Variants in IQSEC2 observed in about 807,000 individuals in gnomAD.
The protein encoded by IQSEC2 is IQ motif and SEC7 domain-containing protein 2.
Under a neutral mutation model 74.6 loss-of-function variants are expected in IQSEC2, and 6 were observed. That is an observed-to-expected ratio of 0.08 (90% CI 0.04 to 0.16). The LOEUF is 0.16. Ranked by LOEUF, IQSEC2 falls within the 10% of genes least tolerant of loss-of-function variation. IQSEC2 has a pLI of 1.00. For missense variants in IQSEC2, 734 were observed against 1,306.2 expected (o/e 0.56, Z 6.75); for synonymous variants, 494 against 544.5 (o/e 0.91, Z 1.29).
Position 53,287,060 on chromosome X carries a change from G to A in IQSEC2, c.737+4835C>T, listed in dbSNP as rs2075040661. Among the ~76,000 whole-genome samples, 3 of 111,092 alleles carry A rather than the reference G, an allele frequency of 2.7e-5. 1 individual carries two copies. Among genetic ancestry groups the A allele is most frequent in the Middle Eastern group, 9.3e-3 (2 of 214 alleles). ...CATGGGCCCAGGAGATGCAGACAGC[G>A]AGACAGCAACCTTGGTCCTCGACTT... is the stretch of plus-strand genomic sequence containing the variant. On this transcript the variant is annotated intron_variant, in intron 2 of 14. Transcript: ENST00000642864.
chrX:53,244,005 G>A (rs2074263982), intron 8 of IQSEC2, among the ~76,000 whole-genome samples: 1 of 108,586 alleles, frequency 9.2e-6, no homozygotes, highest in Non-Finnish European at 1.9e-5. Flanking sequence ...GGATCACGAG[G>A]TCAGGAGATC....
chrX:53,249,834 T>C (rs1017772198), intron 5 of IQSEC2, among the ~76,000 whole-genome samples: 1 of 111,515 alleles, frequency 9.0e-6, no homozygotes, highest in Non-Finnish European at 1.9e-5. Flanking sequence ...TACATACACA[T>C]TCTGCTAGTG....
At chrX:53,291,752 A>C in intron 2 of IQSEC2, 143 bp downstream of exon 2, 8 of 453,771 alleles carry the variant, frequency 1.8e-5, no homozygotes, top group South Asian at 1.4e-4. Flanking sequence ...ACCCCACTCC[A>C]TAGCCACCCC....
In IQSEC2 at chrX:53,308,445, C is replaced by T. The variant is rs887948614; in HGVS notation, c.707+11972G>A. 6.2e-4 allele frequency among the ~76,000 whole-genome samples: 69 copies of T among 111,227 alleles called. 1 individual carries two copies. Among genetic ancestry groups the T allele is most frequent in the African/African-American group, 2.3e-3 (69 of 30,601 alleles). On this transcript the variant is annotated intron_variant, in intron 1 of 14. Coordinates refer to ENST00000642864, the MANE Select transcript of IQSEC2 (RefSeq NM_001111125.3). ...AGTAATGAGGTATAATTACAGTACA[C>T]TATTTGGCCCTGCGATGACTAATAG...
At chrX:53,243,958 G>C (rs1278068766) in intron 8 of IQSEC2, among the ~76,000 whole-genome samples, 1 of 111,723 alleles carries the variant, frequency 9.0e-6, no homozygotes, top group Non-Finnish European at 1.9e-5. Context: ...GGTGGCTCAC[G>C]CCTGTACTCC....
chrX:53,235,875 C>G (rs1478707821), intron 13 of IQSEC2, 43 bp from the exon 14 acceptor site: 17 of 1,130,523 alleles, frequency 1.5e-5, no homozygotes, highest in African/African-American at 5.4e-5. Context: ...GCAGCAACCC[C>G]CCCCCTACCC....
At chrX:53,310,279 G>A in intron 1 of IQSEC2, among the ~76,000 whole-genome samples, 1 of 110,577 alleles carries the variant, frequency 9.0e-6, no homozygotes, top group Non-Finnish European at 1.9e-5. Flanking sequence ...AGCAACTTGG[G>A]AGGCTGAGGT....
In IQSEC2 at chrX:53,242,132, C is replaced by G. The variant is rs190873777; in HGVS notation, c.2890-223G>C. Among the ~76,000 whole-genome samples the G allele has an allele frequency of 2.6e-4, 29 of 111,641 alleles. No individual in the cohort carries two copies. In the East Asian group the frequency reaches 8.2e-3, roughly 32 times the overall value. On this transcript the variant is annotated intron_variant, in intron 9 of 14. Transcript: ENST00000642864. ...AGCTCTGCATGGTCATATTTCAACTCCCTTTCAAATTTCCATCCCGGCCGG... is the reference window on the plus strand; with the variant it reads ...AGCTCTGCATGGTCATATTTCAACTGCCTTTCAAATTTCCATCCCGGCCGG...
At chrX:53,317,391 G>T (rs182762527) in intron 1 of IQSEC2, among the ~76,000 whole-genome samples, 38 of 111,155 alleles carry the variant, frequency 3.4e-4, no homozygotes, top group African/African-American at 1.2e-3. Context: ...GGGAATCCTG[G>T]GTGGATGACA....
chrX:53,226,058 GT>G (rs1556857441), downstream of IQSEC2: 1 of 112,860 alleles, frequency 8.9e-6, no homozygotes, highest in East Asian at 2.8e-4. Flanking sequence ...TAAAACACCT[GT>G]TTGCCCATTT....
intron 1 of IQSEC2, among the ~76,000 whole-genome samples, chrX:53,318,276 T>C (rs1288527604): frequency 7.1e-5 from 8 of 112,220 alleles, no homozygotes; most frequent in East Asian, 2.8e-4. Context: ...AGTTAATATA[T>C]GGTCAGGAGA....
intron 8 of IQSEC2, 134 bp from the exon 9 acceptor site, chrX:53,243,605 T>C (rs1326176197): frequency 2.2e-6 from 2 of 913,318 alleles, no homozygotes; most frequent in Middle Eastern, 4.0e-4. Flanking sequence ...CTCGGCCCCT[T>C]AGCCAGGATT....
chrX:53,291,243 G>A (rs782786906), intron 2 of IQSEC2, among the ~76,000 whole-genome samples: 4 of 111,293 alleles, frequency 3.6e-5, no homozygotes, highest in Non-Finnish European at 5.6e-5. Flanking sequence ...CTTTACCCAA[G>A]TTTTACTCCT....
At position 53,234,982 on chromosome X, in the gene IQSEC2, G is replaced by A; in HGVS notation, c.3704C>T (p.Ala1235Val). The part of the protein sequence containing the change: ...TGQASASSSS[A>V]SSTHHHHHHH... Reference sequence around the variant, plus strand: ...GTGGTGGTGGTGGTGCGTGGAAGAAGCAGATGAAGAGGAGGCAGAGGCCTG... The same window carrying A: ...GTGGTGGTGGTGGTGCGTGGAAGAAACAGATGAAGAGGAGGCAGAGGCCTG... The change falls in exon 15 of 15, where the codon GCT becomes GTT. Residue 1235 changes from alanine (A) to valine (V), a missense_variant. Ala to Val is a moderately conservative substitution (Grantham distance 64, BLOSUM62 0). Around this residue, in one of 12 missense-constraint regions of IQSEC2, gnomAD observed 249 missense variants for 467.9 expected, o/e 0.53. Coordinates refer to ENST00000642864, the MANE Select transcript of IQSEC2 (RefSeq NM_001111125.3). 8.6e-7 allele frequency: 1 copy of A among 1,167,850 alleles called. No individual in the cohort carries two copies. The highest frequency in any genetic ancestry group is 1.1e-6 in the Non-Finnish European group (1 of 873,064).
intron 3 of IQSEC2, 50 bp downstream of exon 3, chrX:53,255,750 C>T (rs782731067): frequency 6.7e-6 from 8 of 1,196,869 alleles, no homozygotes; most frequent in African/African-American, 1.8e-5. Context: ...CCTCCCCTGG[C>T]GCTCTCTTGC....
At chrX:53,317,978 C>T (rs1484808156) in intron 1 of IQSEC2, among the ~76,000 whole-genome samples, 1 of 112,204 alleles carries the variant, frequency 8.9e-6, no homozygotes, top group African/African-American at 3.2e-5. Context: ...TGCTCAAATC[C>T]TCTAGAGACC....
intron 1 of IQSEC2, among the ~76,000 whole-genome samples, chrX:53,309,769 A>G (rs1383126211): frequency 2.7e-5 from 3 of 112,404 alleles, no homozygotes; most frequent in African/African-American, 9.7e-5. Flanking sequence ...TTACTCCAAG[A>G]ACACAGAATA....
intron 6 of IQSEC2, 69 bp from the exon 7 acceptor site, chrX:53,248,305 T>C: frequency 8.6e-7 from 1 of 1,159,494 alleles, no homozygotes; most frequent in South Asian, 1.9e-5. Context: ...CACCTGGACC[T>C]GCTCAAATGG....
chrX:53,261,068 C>CA (rs1219612331), intron 2 of IQSEC2, among the ~76,000 whole-genome samples: 1 of 110,473 alleles, frequency 9.1e-6, no homozygotes, highest in Non-Finnish European at 1.9e-5. Flanking sequence ...GGGAGCCTGG[C>CA]AAAAAAAGGA....
Sources: allele counts gnomAD v4.1 joint callset (sites outside exome capture counted in the v4.1 genomes callset), GRCh38; gene constraint gnomAD v4.1.1; regional missense constraint gnomAD v4.1.1; transcripts MANE v1.5; gene names NCBI Gene and HGNC (gene_info 2026-07-23, HGNC 2026-07-21).